Variants in RAP1GAP observed in about 807,000 individuals in gnomAD.
RAP1GAP encodes the protein RAP1 GTPase activating protein.
A neutral mutation model predicts 87.2 loss-of-function variants in RAP1GAP; 35 were observed. That is an observed-to-expected ratio of 0.40 (90% confidence interval 0.31 to 0.53). The LOEUF is 0.53. Ranked by LOEUF, RAP1GAP falls within the 20% of genes least tolerant of loss-of-function variation. The pLI is 0.48. For missense variants in RAP1GAP, 734 were observed against 898.9 expected, an observed-to-expected ratio of 0.82 and a Z score of 2.35; for synonymous variants, 375 against 363.9, an observed-to-expected ratio of 1.03 and a Z score of -0.35.
At chr1:21,636,811 TAGAA>T (rs1403621130) in intron 2 of RAP1GAP, among the ~76,000 whole-genome samples, 4 of 139,906 alleles carry the variant, frequency 2.9e-5, no homozygotes, top group South Asian at 2.3e-4. Context: ...CCATCTCAAA[TAGAA>T]AGAAAGAAAG....
chr1:21,664,970 T>A (rs980560797), intron 1 of RAP1GAP, among the ~76,000 whole-genome samples: 1 of 152,034 alleles, frequency 6.6e-6, no homozygotes, highest in Non-Finnish European at 1.5e-5. Context: ...GAGAAAGAAA[T>A]GAGGCACAGA....
intron 2 of RAP1GAP, among the ~76,000 whole-genome samples, chr1:21,638,179 C>G (rs974701738): frequency 6.6e-6 from 1 of 150,604 alleles, no homozygotes; most frequent in African/African-American, 2.4e-5. Flanking sequence ...AAAAAAAGGC[C>G]GGGCATGGTG....
intron 2 of RAP1GAP, among the ~76,000 whole-genome samples, chr1:21,631,958 C>T (rs776750691): frequency 6.6e-6 from 1 of 152,198 alleles, no homozygotes; most frequent in Non-Finnish European, 1.5e-5. Context: ...CCGCCAAGCG[C>T]CTTCCCTAGG....
Position 21,615,983 on chromosome 1 carries a change from C to T in RAP1GAP, c.291+1323G>A, listed in dbSNP as rs962385967. Among the ~76,000 whole-genome samples the T allele has an allele frequency of 1.3e-5, 2 of 152,132 alleles. No individual in the cohort carries two copies. The highest frequency in any genetic ancestry group is 2.9e-5 in the Non-Finnish European group (2 of 68,034). The stretch of plus-strand genomic sequence containing the variant: ...TGGGTTTGTTCCCAGGCAAAGGCTC[C>T]TGAACCTGGGCTTGCTGGTTTAGTC... On this transcript the variant is annotated intron_variant, in intron 7 of 24. Coordinates refer to ENST00000374765, the MANE Select transcript of RAP1GAP (RefSeq NM_002885.4). The surrounding 1 kb of genome is among the most constrained non-coding windows in gnomAD (Gnocchi z 4.5).
intron 1 of RAP1GAP, among the ~76,000 whole-genome samples, chr1:21,652,107 C>T (rs930275650): frequency 1.3e-5 from 2 of 148,154 alleles, no homozygotes; most frequent in African/African-American, 4.9e-5. Flanking sequence ...CCTCCCCCAC[C>T]CCCTTCCCGG....
In RAP1GAP at chr1:21,669,049, A is replaced by AC. The variant is rs1261226627; in HGVS notation, c.-149+204dup. Among the ~76,000 whole-genome samples the AC allele has an allele frequency of 2.0e-5, 3 of 150,912 alleles. No individual in the cohort carries two copies. On this transcript the variant is annotated intron_variant, in intron 1 of 24. Coordinates refer to ENST00000374765, the MANE Select transcript of RAP1GAP (RefSeq NM_002885.4). The surrounding 1 kb of genome is among the most constrained non-coding windows in gnomAD (Gnocchi z 5.6). ...GCCGGCTCAGTCCAGGCCTCCCCCC[A>AC]CTTCTCCAGCTGCTGTCAAGACCGG...
chr1:21,627,409 CTTT>C (rs755209828), intron 2 of RAP1GAP, among the ~76,000 whole-genome samples: 2 of 125,230 alleles, frequency 1.6e-5, no homozygotes, highest in African/African-American at 2.9e-5. Flanking sequence ...CTCCCTTCTT[CTTT>C]TTTTTTTTTT....
At chr1:21,626,421 C>T in intron 2 of RAP1GAP, 24 bp from the exon 3 acceptor site, 2 of 1,583,500 alleles carry the variant, frequency 1.3e-6, no homozygotes, top group Non-Finnish European at 1.7e-6. Flanking sequence ...AGTCTGAGGT[C>T]AGGGAGAGCC....
rs557311184 is a variant in RAP1GAP, at chr1:21,628,324, G to A, written c.-112-1927C>T. On this transcript the variant is annotated intron_variant, in intron 2 of 24. Coordinates refer to ENST00000374765, the MANE Select transcript of RAP1GAP (RefSeq NM_002885.4). ...TCCCAGCACTTTGGGAGGCCAAGGC[G>A]GGCAGATCACCTGAGGTCAGCAGTT... Among the ~76,000 whole-genome samples, 7 of 148,100 alleles carry A rather than the reference G, an allele frequency of 4.7e-5. No individual in the cohort carries two copies. In the East Asian group the frequency reaches 7.9e-4, roughly 17 times the overall value.
chr1:21,602,798 A>AC lies in RAP1GAP; in HGVS notation c.1538+5dup. On this transcript the variant is annotated splice_donor_region_variant and intron_variant, in intron 19 of 24. Transcript: ENST00000374765. ...GGGAATGGGGCACTGTCCCCCACTC[A>AC]CCCACCTCTTCTCCTGCACCTCCTG... is the stretch of plus-strand genomic sequence containing the variant. 6.2e-7 allele frequency: 1 copy of AC among 1,601,084 alleles called. No individual in the cohort carries two copies. Among genetic ancestry groups the AC allele is most frequent in the Non-Finnish European group, 8.5e-7 (1 of 1,175,136 alleles).
intron 1 of RAP1GAP, among the ~76,000 whole-genome samples, chr1:21,659,933 A>G (rs1481886479): frequency 1.3e-5 from 2 of 152,106 alleles, no homozygotes; most frequent in East Asian, 1.9e-4. Flanking sequence ...GGATGCAGAT[A>G]TGGCTACAAA....
In RAP1GAP at chr1:21,606,100, GGC is replaced by G; in HGVS notation, c.1392_1393del (p.Pro465GlnfsTer145). 1 of 1,587,926 alleles carries G rather than the reference GGC, an allele frequency of 6.3e-7. No individual in the cohort carries two copies. Among genetic ancestry groups the G allele is most frequent in the Non-Finnish European group, 8.6e-7 (1 of 1,167,456 alleles). On this transcript the variant is annotated frameshift_variant, in exon 18 of 25. Coordinates refer to ENST00000374765, the MANE Select transcript of RAP1GAP (RefSeq NM_002885.4). LOFTEE classifies it high-confidence loss of function. ...CGCCTTGGCCAGGTCGGGGTTGTTG[GGC>G]GCGAAGCTCCCGCTGTGGCTGGTGG...
In RAP1GAP at chr1:21,614,079, T is replaced by C. The variant is rs751019607; in HGVS notation, c.302A>G (p.Asn101Ser). The C allele has an allele frequency of 2.5e-6, 4 of 1,602,370 alleles. No homozygotes were observed. The highest frequency in any genetic ancestry group is 2.6e-6 in the Non-Finnish European group (3 of 1,171,334). The change falls in exon 8 of 25, where the codon AAT (asparagine) becomes AGT (serine). Residue 101 changes from asparagine (N) to serine (S), a missense_variant. Around this residue, in one of 2 missense-constraint regions of RAP1GAP, gnomAD observed 485 missense variants for 646.2 expected, o/e 0.75. Transcript: ENST00000374765. ...RKHFLGKEHF[N>S]YYSLDAALGH... ...GAGGGCAGCGTCCAGTGAGTAGTAATTGAAATGCTCCTGCAGTGGGAGGTG... is the reference window on the plus strand; with the variant it reads ...GAGGGCAGCGTCCAGTGAGTAGTAACTGAAATGCTCCTGCAGTGGGAGGTG...
chr1:21,602,587 C>T (rs1195529769), intron 19 of RAP1GAP, among the ~76,000 whole-genome samples: 4 of 152,358 alleles, frequency 2.6e-5, no homozygotes, highest in African/African-American at 9.6e-5. Flanking sequence ...CCCCTTGACT[C>T]CTCTGACCTA....
chr1:21,648,365 T>C (rs1571302772), intron 2 of RAP1GAP, among the ~76,000 whole-genome samples: 1 of 152,234 alleles, frequency 6.6e-6, no homozygotes, highest in East Asian at 1.9e-4. Flanking sequence ...AGACCCTCCC[T>C]GTGGCCTGGT....
intron 2 of RAP1GAP, among the ~76,000 whole-genome samples, chr1:21,639,605 A>G (rs1319988290): frequency 6.6e-6 from 1 of 152,192 alleles, no homozygotes; most frequent in Non-Finnish European, 1.5e-5. Flanking sequence ...ATGCACGTGA[A>G]AGTACGTCCT....
chr1:21,668,062 G>C lies in RAP1GAP; in HGVS notation c.-149+1192C>G, dbSNP rs149686857. On this transcript the variant is annotated intron_variant, in intron 1 of 24. Coordinates refer to ENST00000374765, the MANE Select transcript of RAP1GAP (RefSeq NM_002885.4). The surrounding 1 kb of genome is among the most constrained non-coding windows in gnomAD (Gnocchi z 6.2). ...CTGTGCCAGTCCAGAAGCCCATTCA[G>C]GGACACCTTTGGCCAATGTTCTGTT... is the stretch of plus-strand genomic sequence containing the variant. Among the ~76,000 whole-genome samples, 632 of 152,296 alleles carry C rather than the reference G, an allele frequency of 4.1e-3. 4 individuals are homozygous for C. The highest frequency in any genetic ancestry group is 0.015 in the African/African-American group (610 of 41,562).
At chr1:21,621,426 C>T (rs563456193) in intron 3 of RAP1GAP, among the ~76,000 whole-genome samples, 1 of 152,340 alleles carries the variant, frequency 6.6e-6, no homozygotes, top group East Asian at 1.9e-4. Context: ...CGCACACACA[C>T]ACAGAGCTCT....
rs977585448 is a variant in RAP1GAP, at chr1:21,634,172, C to T, written c.-112-7775G>A. On this transcript the variant is annotated intron_variant, in intron 2 of 24. Transcript: ENST00000374765. The surrounding 1 kb of genome is among the most constrained non-coding windows in gnomAD (Gnocchi z 4.1). ...AAAGTGCCAGGGAAGGTGGCCGGGG[C>T]AGCCAGTTGAGCAGGTTTCCAAAGC... 2.0e-5 allele frequency among the ~76,000 whole-genome samples: 3 copies of T among 152,042 alleles called. No individual in the cohort carries two copies. Among genetic ancestry groups the T allele is most frequent in the African/African-American group, 7.2e-5 (3 of 41,402 alleles).
Sources: gnomAD v4.1 joint callset for allele counts (sites outside exome capture counted in the v4.1 genomes callset) on GRCh38, gnomAD v4.1.1 for gene constraint, gnomAD v4.1.1 regional missense constraint, Gnocchi (gnomAD v3.1) non-coding constraint, MANE v1.5 for transcripts, NCBI Gene and HGNC (gene_info 2026-07-23, HGNC 2026-07-21) for gene names.